The following GLRB variants were observed in gnomAD, a reference collection of about 807,000 sequenced individuals.
GLRB encodes glycine receptor beta.
GLRB carries 33 observed loss-of-function variants against 54.2 expected under a neutral mutation model. The observed-to-expected ratio is 0.61, with a 90% CI of 0.46 to 0.81. GLRB has a LOEUF of 0.81. Among genes scored for constraint, GLRB ranks in the 40% least tolerant of loss-of-function variants. The pLI, the probability that GLRB is intolerant of heterozygous loss-of-function variation, is 0.00. For synonymous variants in GLRB, 209 were observed against 208.2 expected (o/e 1.00, Z -0.03); for missense variants, 572 against 584.6 (o/e 0.98, Z 0.22).
At chr4:157,095,090 A>G (rs1034168365) in intron 2 of GLRB, among the ~76,000 whole-genome samples, 18 of 152,178 alleles carry the variant, frequency 1.2e-4, no homozygotes, top group African/African-American at 4.3e-4. Context: ...CAGGAAGGCC[A>G]TGGAGATTTA....
rs994641511 is a variant in GLRB at position 157,150,697 on chromosome 4, C to T, written c.905-2021C>T. ...AATGTTTTCCTGACAAAGTCATCTT[C>T]TTTTCTATAGGCCCCTTCCCCATCT... is the stretch of plus-strand genomic sequence containing the variant. On this transcript the variant is annotated intron_variant, in intron 8 of 9. Transcript: ENST00000264428. Among the ~76,000 whole-genome samples, 3 of 152,044 alleles carry T rather than the reference C, an allele frequency of 2.0e-5. No homozygotes were observed. In the East Asian group the frequency reaches 5.8e-4, roughly 29 times the overall value.
intron 9 of GLRB, among the ~76,000 whole-genome samples, chr4:157,161,764 T>G (rs1428515524): frequency 2.6e-5 from 4 of 152,188 alleles, no homozygotes; most frequent in Admixed American, 1.3e-4. Context: ...GCCCTTAACA[T>G]TTTTTCCTTC....
chr4:157,161,218 G>A (rs778955745), intron 9 of GLRB, among the ~76,000 whole-genome samples: 7 of 152,266 alleles, frequency 4.6e-5, no homozygotes, highest in South Asian at 2.1e-4. Flanking sequence ...TTGAGCCTAT[G>A]TGTGTCTCTG....
intron 7 of GLRB, among the ~76,000 whole-genome samples, chr4:157,140,468 T>C (rs1412056710): frequency 6.6e-6 from 1 of 151,986 alleles, no homozygotes; most frequent in Non-Finnish European, 1.5e-5. Context: ...ATTATAGTTC[T>C]TAGAGATTTT....
At chr4:157,141,957 A>G (rs749771377) in intron 7 of GLRB, among the ~76,000 whole-genome samples, 7 of 152,088 alleles carry the variant, frequency 4.6e-5, no homozygotes, top group African/African-American at 1.7e-4. Context: ...AATCGTTATA[A>G]TATTTGTGAC....
At chr4:157,121,870 AAAT>A (rs1735835301) in intron 3 of GLRB, among the ~76,000 whole-genome samples, 1 of 151,704 alleles carries the variant, frequency 6.6e-6, no homozygotes, top group Non-Finnish European at 1.5e-5. Flanking sequence ...TTAAAAATTA[AAAT>A]AATAATTACA....
chr4:157,078,600 G>A (rs1021746565), intron 2 of GLRB, among the ~76,000 whole-genome samples: 2 of 151,912 alleles, frequency 1.3e-5, no homozygotes, highest in Non-Finnish European at 2.9e-5. Flanking sequence ...TGTATGCATG[G>A]CAAAAGGAAA....
chr4:157,133,818 C>T (rs1183869706), intron 4 of GLRB, among the ~76,000 whole-genome samples: 1 of 151,918 alleles, frequency 6.6e-6, no homozygotes, highest in African/African-American at 2.4e-5. Context: ...CAAATGTATT[C>T]TTGGGTTGTG....
chr4:157,076,971 C>CGG, intron 1 of GLRB, among the ~76,000 whole-genome samples: 1 of 11,714 alleles, frequency 8.5e-5, no homozygotes, highest in Non-Finnish European at 1.7e-4. Context: ...GGGAAGAATC[C>CGG]TGGGGGGGGG....
At chr4:157,156,117 T>C (rs1160475775) in intron 9 of GLRB, among the ~76,000 whole-genome samples, 1 of 152,208 alleles carries the variant, frequency 6.6e-6, no homozygotes, top group Non-Finnish European at 1.5e-5. Context: ...TTAGGATTGT[T>C]TTCTCTAATT....
At chr4:157,169,569 C>T (rs527336286) in intron 9 of GLRB, among the ~76,000 whole-genome samples, 2 of 152,090 alleles carry the variant, frequency 1.3e-5, no homozygotes, top group South Asian at 4.2e-4. Flanking sequence ...CCTCTATATC[C>T]ATGGATTTTG....
intron 9 of GLRB, among the ~76,000 whole-genome samples, chr4:157,160,806 C>T (rs1737452825): frequency 6.6e-6 from 1 of 152,146 alleles, no homozygotes; most frequent in Admixed American, 6.5e-5. Context: ...AATGTATACT[C>T]TGTTGATTTG....
At chr4:157,132,317 T>G (rs1219498590) in intron 4 of GLRB, among the ~76,000 whole-genome samples, 1 of 151,966 alleles carries the variant, frequency 6.6e-6, no homozygotes, top group Admixed American at 6.6e-5. Context: ...TTTTAACTCC[T>G]ACCTTTCCAC....
chr4:157,156,447 T>C (rs1280305092), intron 9 of GLRB, among the ~76,000 whole-genome samples: 1 of 152,182 alleles, frequency 6.6e-6, no homozygotes, highest in Admixed American at 6.5e-5. Context: ...TGGAGGAGTC[T>C]CTAGGGCTTT....
chr4:157,152,850 A>C lies in GLRB; in HGVS notation c.1037A>C (p.Glu346Ala). ...CLLFGFASLV[E>A]YAVVQVMLNN... ...CTCTTTGGGTTTGCTTCCCTGGTGGAGTATGCAGTTGTCCAGGTGATGCTG... is the reference window on the plus strand; with the variant it reads ...CTCTTTGGGTTTGCTTCCCTGGTGGCGTATGCAGTTGTCCAGGTGATGCTG... The change falls in exon 9 of 10, where the codon GAG becomes GCG. Residue 346 changes from glutamate to alanine, a missense_variant. Physicochemically the swap from Glu to Ala is moderately radical, Grantham distance 107. Transcript: ENST00000264428. The C allele has an allele frequency of 6.2e-7, 1 of 1,614,014 alleles. No individual in the cohort carries two copies. The highest frequency in any genetic ancestry group is 1.3e-5 in the African/African-American group (1 of 75,018).
chr4:157,106,866 ATCT>A (rs1293173939), intron 2 of GLRB, among the ~76,000 whole-genome samples: 2 of 151,876 alleles, frequency 1.3e-5, no homozygotes, highest in East Asian at 3.9e-4. Flanking sequence ...ATTAAATCTC[ATCT>A]TCTATATACT....
chr4:157,157,534 C>G (rs1737281326), intron 9 of GLRB, among the ~76,000 whole-genome samples: 1 of 152,094 alleles, frequency 6.6e-6, no homozygotes, highest in Non-Finnish European at 1.5e-5. Context: ...CATTCCCTAC[C>G]CTGTGTCCAA....
chr4:157,161,069 C>T (rs1485617576), intron 9 of GLRB, among the ~76,000 whole-genome samples: 1 of 152,118 alleles, frequency 6.6e-6, no homozygotes, highest in Non-Finnish European at 1.5e-5. Context: ...TTGAATTGAT[C>T]CCTTTACCAT....
chr4:157,147,908 A>C (rs905860171), intron 8 of GLRB, among the ~76,000 whole-genome samples: 9 of 152,248 alleles, frequency 5.9e-5, no homozygotes, highest in Non-Finnish European at 7.3e-5. Flanking sequence ...ATGGTAAAGC[A>C]GCCATAGACA....
Sources: allele counts gnomAD v4.1 joint callset (sites outside exome capture counted in the v4.1 genomes callset), GRCh38; gene constraint gnomAD v4.1.1; transcripts MANE v1.5; gene names NCBI Gene and HGNC (gene_info 2026-07-23, HGNC 2026-07-21).